The following ARFGEF3 variants were observed in gnomAD, a reference collection of about 807,000 sequenced individuals.
ARFGEF3 encodes ARFGEF family member 3.
Under a neutral mutation model 221.7 loss-of-function variants are expected in ARFGEF3, and 96 were observed. The ratio of observed to expected loss-of-function variants is 0.43; its 90% confidence interval spans 0.37 to 0.51. The LOEUF (loss-of-function observed/expected upper bound fraction) is 0.51, where lower values mean the gene tolerates loss of function less well. Among genes scored for constraint, ARFGEF3 ranks in the 20% least tolerant of loss-of-function variants. The pLI, the probability that ARFGEF3 is intolerant of heterozygous loss-of-function variation, is 0.00. For synonymous variants in ARFGEF3, 1,145 were observed against 1,126.8 expected, an observed-to-expected ratio of 1.02 and a Z score of -0.32; for missense variants, 2,410 against 2,789.9, an observed-to-expected ratio of 0.86 and a Z score of 3.07.
chr6:138,239,654 A>AT (rs1778357117), intron 6 of ARFGEF3, among the ~76,000 whole-genome samples: 1 of 145,310 alleles, frequency 6.9e-6, no homozygotes, highest in Non-Finnish European at 1.5e-5. Flanking sequence ...TGTCTCAGGA[A>AT]AAAAAAAAAA....
Position 138,162,964 on chromosome 6 carries a change from C to A in ARFGEF3, c.85+793C>A, listed in dbSNP as rs148761548. Among the ~76,000 whole-genome samples, 294 of 152,284 alleles carry A rather than the reference C, an allele frequency of 1.9e-3. No individual in the cohort carries two copies. The highest frequency in any genetic ancestry group is 6.8e-3 in the African/African-American group (283 of 41,560). On this transcript the variant is annotated intron_variant, in intron 1 of 33. Coordinates refer to ENST00000251691, the MANE Select transcript of ARFGEF3 (RefSeq NM_020340.5). The surrounding 1 kb of genome is among the most constrained non-coding windows in gnomAD (Gnocchi z 4.7). ...AAAGGAAAGGCCAAGAAGAAGCCAG[C>A]GCAGCTAGCTCTATGGGCTCCTCTC...
chr6:138,313,966 G>C, intron 26 of ARFGEF3, 27 bp downstream of exon 26: 7 of 1,609,388 alleles, frequency 4.3e-6, no homozygotes, highest in Non-Finnish European at 5.9e-6. Flanking sequence ...GACTAAACTA[G>C]GTTATTTGCT....
At chr6:138,322,165 A>C (rs921201586) in intron 29 of ARFGEF3, among the ~76,000 whole-genome samples, 1 of 152,186 alleles carries the variant, frequency 6.6e-6, no homozygotes, top group Non-Finnish European at 1.5e-5. Context: ...TAGAACAAAA[A>C]GGCCAAGTAA....
Position 138,307,303 on chromosome 6 carries a change from G to T in ARFGEF3, c.3879G>T (p.Gln1293His). 1 of 1,614,052 alleles carries T rather than the reference G, an allele frequency of 6.2e-7. No individual in the cohort carries two copies. Among genetic ancestry groups the T allele is most frequent in the Non-Finnish European group, 8.5e-7 (1 of 1,179,890 alleles). Residue 1293 changes from glutamine to histidine, a missense_variant, in exon 23 of 34, where the codon CAG becomes CAT. Gln to His is a conservative substitution (Grantham distance 24). Transcript: ENST00000251691. ...TTGAAGTGTGTTCCACGCAGATCCA[G>T]TCGGGATGGAGACCCTTGTTCAGTG... ...ELVEVCSTQI[Q>H]SGWRPLFSAL...
At chr6:138,295,707 T>G (rs1663978208) in intron 20 of ARFGEF3, among the ~76,000 whole-genome samples, 1 of 152,176 alleles carries the variant, frequency 6.6e-6, no homozygotes, top group Non-Finnish European at 1.5e-5. Flanking sequence ...CAACACAGTG[T>G]CTGATGCAGG....
intron 4 of ARFGEF3, among the ~76,000 whole-genome samples, chr6:138,227,323 G>T (rs1778103887): frequency 6.6e-6 from 1 of 152,176 alleles, no homozygotes; most frequent in Non-Finnish European, 1.5e-5. Context: ...CTCACCATGG[G>T]AACTGCTCCT....
At chr6:138,318,811 G>T (rs1329502516) in intron 27 of ARFGEF3, among the ~76,000 whole-genome samples, 3 of 152,034 alleles carry the variant, frequency 2.0e-5, no homozygotes, top group African/African-American at 7.2e-5. Context: ...TTTCATTATA[G>T]CATAGTCTAT....
chr6:138,201,088 T>G (rs1170524030), intron 2 of ARFGEF3, among the ~76,000 whole-genome samples: 1 of 152,130 alleles, frequency 6.6e-6, no homozygotes, highest in East Asian at 1.9e-4. Flanking sequence ...CCATCACTAA[T>G]CAAGGAAATG....
At chr6:138,169,056 G>A (rs904346760) in intron 1 of ARFGEF3, among the ~76,000 whole-genome samples, 7 of 152,186 alleles carry the variant, frequency 4.6e-5, no homozygotes, top group South Asian at 2.1e-4. Context: ...CAAGCATCCC[G>A]GGAGGAAGGT....
rs1227220149 is a variant in ARFGEF3, at chr6:138,337,559, T to G, written c.*1073T>G. ...AATCTTAAAATATAATACAACAATC[T>G]TGCAAAATTATGGTGTCAGTTACAC... On this transcript the variant is annotated 3_prime_UTR_variant, in exon 34 of 34. Transcript: ENST00000251691. 6.6e-6 allele frequency: 1 copy of G among 152,540 alleles called. No individual in the cohort carries two copies. Among genetic ancestry groups the G allele is most frequent in the Non-Finnish European group, 1.5e-5 (1 of 68,030 alleles). 9.4% of individuals were successfully genotyped at this position (152,540 alleles called of 1,614,324 possible). A position where few individuals can be genotyped will look rare whatever the true frequency, so the allele number is the denominator to read the frequency against.
At chr6:138,320,893 A>G (rs986875780) in intron 28 of ARFGEF3, among the ~76,000 whole-genome samples, 1 of 152,042 alleles carries the variant, frequency 6.6e-6, no homozygotes. Context: ...TGGATGAAAC[A>G]TGCTGAAATT....
At chr6:138,275,772 GACA>G (rs1030431080) in intron 12 of ARFGEF3, among the ~76,000 whole-genome samples, 2 of 151,716 alleles carry the variant, frequency 1.3e-5, no homozygotes, top group Non-Finnish European at 2.9e-5. Flanking sequence ...AATTCACAGG[GACA>G]ACATCACTGG....
intron 31 of ARFGEF3, among the ~76,000 whole-genome samples, chr6:138,324,459 T>G (rs1225071482): frequency 1.3e-5 from 2 of 152,212 alleles, no homozygotes; most frequent in African/African-American, 4.8e-5. Flanking sequence ...AAGTATTTGC[T>G]TAACTGTTAT....
At chr6:138,297,881 G>C (rs571933233) in intron 21 of ARFGEF3, among the ~76,000 whole-genome samples, 2 of 152,042 alleles carry the variant, frequency 1.3e-5, no homozygotes, top group Non-Finnish European at 2.9e-5. Flanking sequence ...GCAAAGTCTG[G>C]GGCCAGATGG....
intron 8 of ARFGEF3, 78 bp from the exon 9 acceptor site, chr6:138,253,802 G>C: frequency 1.8e-6 from 2 of 1,138,850 alleles, no homozygotes; most frequent in South Asian, 2.7e-5. Flanking sequence ...CCATTTTTCC[G>C]AGCGTGTTTC....
intron 5 of ARFGEF3, among the ~76,000 whole-genome samples, chr6:138,236,994 A>G (rs1200734295): frequency 1.5e-5 from 1 of 64,600 alleles, no homozygotes; most frequent in African/African-American, 6.5e-5. Flanking sequence ...GGTTGAGAAG[A>G]CTGCCTTTTT....
chr6:138,331,554 T>C (rs1780227771), intron 32 of ARFGEF3, among the ~76,000 whole-genome samples: 1 of 152,256 alleles, frequency 6.6e-6, no homozygotes, highest in African/African-American at 2.4e-5. Context: ...GCCTTGACAT[T>C]GATAGCCCCA....
In ARFGEF3 at chr6:138,253,928, G is replaced by A; in HGVS notation, c.714G>A (p.Val238=). The stretch of plus-strand genomic sequence containing the variant: ...TCTACCTGGAGTGCATCCTGTCTGT[G>A]CTCAGCAGCTCCTCCTCCTCCATGC... ...QLLYLECILS[V]LSSSSSSMHL... is the part of the protein sequence containing the mutation. The change falls in exon 9 of 34, where the codon GTG becomes GTA. Residue 238 remains valine (V), a synonymous_variant. Coordinates refer to ENST00000251691, the MANE Select transcript of ARFGEF3 (RefSeq NM_020340.5). The A allele has an allele frequency of 6.3e-7, 1 of 1,596,624 alleles. No homozygotes were observed. Among genetic ancestry groups the A allele is most frequent in the Non-Finnish European group, 8.5e-7 (1 of 1,171,846 alleles).
In ARFGEF3 at chr6:138,336,594, C is replaced by T; in HGVS notation, c.*108C>T. ...ACTAGCCCCACTTAAACTACTACTA[C>T]TGTCTCAGAGAACAGTGTTTCCTAA... is the stretch of plus-strand genomic sequence containing the variant. On this transcript the variant is annotated 3_prime_UTR_variant, in exon 34 of 34. Transcript: ENST00000251691. The T allele has an allele frequency of 1.2e-6, 1 of 862,976 alleles. No homozygotes were observed. 53.5% of individuals were successfully genotyped at this position (862,976 alleles called of 1,614,324 possible).
Sources: gnomAD v4.1 joint callset for allele counts (sites outside exome capture counted in the v4.1 genomes callset) on GRCh38, gnomAD v4.1.1 for gene constraint, Gnocchi (gnomAD v3.1) non-coding constraint, MANE v1.5 for transcripts, NCBI Gene and HGNC (gene_info 2026-07-23, HGNC 2026-07-21) for gene names.